AP2A2: variants seen among roughly 807,000 people sequenced by gnomAD.
The protein encoded by AP2A2 is AP-2 complex subunit alpha-2.
A neutral mutation model predicts 104.2 loss-of-function variants in AP2A2; 32 were observed. The observed-to-expected ratio is 0.31, with a 90% confidence interval of 0.23 to 0.41. The LOEUF (loss-of-function observed/expected upper bound fraction) is 0.41, where lower values mean the gene tolerates loss of function less well. Among genes scored for constraint, AP2A2 ranks in the 10% least tolerant of loss-of-function variants. The probability of loss-of-function intolerance (pLI) is 1.00; values close to 1 mark genes in which losing one functional copy is unlikely to be tolerated. For synonymous variants in AP2A2, 539 were observed against 533.3 expected (o/e 1.01, Z -0.15); for missense variants, 912 against 1,261.0 (o/e 0.72, Z 4.19).
At chr11:963,174 C>G (rs1242677597) in intron 2 of AP2A2, among the ~76,000 whole-genome samples, 1 of 151,994 alleles carries the variant, frequency 6.6e-6, no homozygotes, top group African/African-American at 2.4e-5. Flanking sequence ...GCCTGTAATT[C>G]CAGCCCTTTG....
intron 15 of AP2A2, 109 bp from the exon 16 acceptor site, chr11:1,003,613 C>A: frequency 1.6e-6 from 1 of 615,148 alleles, no homozygotes; most frequent in Non-Finnish European, 2.8e-6. Flanking sequence ...CCTTGTGTGC[C>A]ATAGAGGTTT....
At chr11:1,007,491 A>C (rs946691363) in intron 17 of AP2A2, 1 of 161,468 alleles carries the variant, frequency 6.2e-6, no homozygotes, top group Non-Finnish European at 1.4e-5. Flanking sequence ...CCCAGAGGGA[A>C]GGAGAGGCCT....
chr11:945,302 G>C (rs1291728490), intron 1 of AP2A2, among the ~76,000 whole-genome samples: 1 of 152,108 alleles, frequency 6.6e-6, no homozygotes, highest in East Asian at 1.9e-4. Context: ...GATGTGGGCT[G>C]TTTAAGTATT....
chr11:951,707 G>A (rs1200592809), intron 1 of AP2A2, among the ~76,000 whole-genome samples: 4 of 152,202 alleles, frequency 2.6e-5, no homozygotes, highest in African/African-American at 9.7e-5. Flanking sequence ...CCAGGGTCAC[G>A]TAGCTAGTAA....
At position 992,802 on chromosome 11, in the gene AP2A2, C is replaced by A; in HGVS notation, c.1452+117C>A. 3.8e-6 allele frequency: 4 copies of A among 1,065,802 alleles called. No individual in the cohort carries two copies. Among genetic ancestry groups the A allele is most frequent in the South Asian group, 1.4e-5 (1 of 69,106 alleles). 66.0% of individuals were successfully genotyped at this position (1,065,802 alleles called of 1,614,324 possible). On this transcript the variant is annotated intron_variant, in intron 11 of 21. Coordinates refer to ENST00000448903, the MANE Select transcript of AP2A2 (RefSeq NM_012305.4). This position sits in a 1 kb window ranked among gnomAD's most constrained non-coding sequence, Gnocchi z 6.4. ...CGAGGGCCGTTGCTGACCCCTCTTG[C>A]CCCTCAGCTCTTCCCTGAGGCTCTA...
chr11:955,724 C>T (rs576838460), intron 1 of AP2A2, among the ~76,000 whole-genome samples: 3 of 152,194 alleles, frequency 2.0e-5, no homozygotes, highest in African/African-American at 7.2e-5. Context: ...AGTGTTTGTT[C>T]GGTTCAGGAA....
intron 2 of AP2A2, among the ~76,000 whole-genome samples, chr11:964,398 G>T (rs993368669): frequency 6.6e-6 from 1 of 152,178 alleles, no homozygotes; most frequent in Non-Finnish European, 1.5e-5. Context: ...CAGTCTGTAG[G>T]CTCCATTTTA....
chr11:936,292 A>G (rs924017086), intron 1 of AP2A2, among the ~76,000 whole-genome samples: 4 of 145,516 alleles, frequency 2.7e-5, no homozygotes, highest in African/African-American at 1.0e-4. Context: ...AGCTCACTGC[A>G]GCTTCGACCT....
At chr11:942,150 A>C (rs1225698152) in intron 1 of AP2A2, 4 of 152,016 alleles carry the variant, frequency 2.6e-5, no homozygotes, top group African/African-American at 9.7e-5. Flanking sequence ...GATGGTCTCG[A>C]TCTCCTGACC....
chr11:953,308 G>A (rs11246355), intron 1 of AP2A2, among the ~76,000 whole-genome samples: 72,668 of 151,758 alleles, frequency 0.48, 18,319 homozygotes, highest in Middle Eastern at 0.65. Context: ...GGGATTACAG[G>A]CGCACGCCAC....
chr11:956,814 A>G (rs927513021), intron 1 of AP2A2: 1 of 152,170 alleles, frequency 6.6e-6, no homozygotes, highest in Non-Finnish European at 1.5e-5. Context: ...GTGTGAGCTG[A>G]AAAAAAGACT....
chr11:1,006,825 T>G, intron 17 of AP2A2: 1 of 567,022 alleles, frequency 1.8e-6, no homozygotes, highest in South Asian at 2.3e-5. Context: ...AGCCAGCTTT[T>G]GATCATGCAC....
At chr11:985,642 TG>T in intron 8 of AP2A2, 60 bp downstream of exon 8, 1 of 1,604,858 alleles carries the variant, frequency 6.2e-7, no homozygotes, top group Non-Finnish European at 8.5e-7. Flanking sequence ...TCCTTCTCGT[TG>T]GCACGAGACT....
chr11:929,145 A>G (rs1853210180), intron 1 of AP2A2, among the ~76,000 whole-genome samples: 2 of 152,204 alleles, frequency 1.3e-5, no homozygotes, highest in Non-Finnish European at 2.9e-5. Context: ...TGGTGCCTGG[A>G]GACGGGATTG....
chr11:962,805 G>A (rs922596050), intron 2 of AP2A2, among the ~76,000 whole-genome samples: 3 of 152,108 alleles, frequency 2.0e-5, no homozygotes, highest in Non-Finnish European at 4.4e-5. Context: ...ATGCCTGTCT[G>A]GCTGTCCTAG....
At chr11:939,759 T>G (rs949804606) in intron 1 of AP2A2, among the ~76,000 whole-genome samples, 1 of 151,862 alleles carries the variant, frequency 6.6e-6, no homozygotes, top group African/African-American at 2.4e-5. Context: ...TATTGATGCC[T>G]TACTCTAGAA....
At chr11:943,487 T>G (rs1853724972) in intron 1 of AP2A2, among the ~76,000 whole-genome samples, 1 of 152,226 alleles carries the variant, frequency 6.6e-6, no homozygotes, top group African/African-American at 2.4e-5. Flanking sequence ...TGTCTGCTTG[T>G]GGATTTCATT....
rs887007963 is a variant in AP2A2, at chr11:987,099, C to T, written c.1131+146C>T. 31 of 997,068 alleles carry T rather than the reference C, an allele frequency of 3.1e-5. No homozygotes were observed. The African/African-American group carries it at 4.3e-4, about 14-fold the overall frequency. The allele number at this position is 997,068 out of a possible 1,614,324, so 61.8% of individuals were successfully genotyped here. A position where few individuals can be genotyped will look rare whatever the true frequency, so the allele number is the denominator to read the frequency against. ...TGCTGGCCTCCGCCTGTCACCTACT[C>T]TTGGGAGGTCACACCACTGTTGAGG... On this transcript the variant is annotated intron_variant, in intron 9 of 21. Coordinates refer to ENST00000448903, the MANE Select transcript of AP2A2 (RefSeq NM_012305.4).
chr11:977,022 C>CT (rs1855065581), intron 4 of AP2A2, 73 bp from the exon 5 acceptor site: 3 of 1,593,910 alleles, frequency 1.9e-6, no homozygotes, highest in Non-Finnish European at 8.5e-7. Flanking sequence ...CCTGCTGGCT[C>CT]TGGGGGGGTG....
Sources: gnomAD v4.1 joint callset for allele counts (sites outside exome capture counted in the v4.1 genomes callset) on GRCh38, gnomAD v4.1.1 for gene constraint, Gnocchi (gnomAD v3.1) non-coding constraint, MANE v1.5 for transcripts, NCBI Gene and HGNC (gene_info 2026-07-23, HGNC 2026-07-21) for gene names.